NAV1: variants seen among roughly 807,000 people sequenced by gnomAD.
NAV1 encodes neuron navigator 1, also known as pore membrane and/or filament interacting like protein 3.
A neutral mutation model predicts 175.2 loss-of-function variants in NAV1; 18 were observed. The observed-to-expected ratio is 0.10, with a 90% CI of 0.07 to 0.15. The LOEUF is 0.15. Ranked by LOEUF, NAV1 falls within the 10% of genes least tolerant of loss-of-function variation. The pLI is 1.00. For missense variants in NAV1, 1,731 were observed against 2,436.6 expected (o/e 0.71, Z 6.10); for synonymous variants, 897 against 978.7 (o/e 0.92, Z 1.56).
intron 1 of NAV1, among the ~76,000 whole-genome samples, chr1:201,664,290 T>C (rs908481593): frequency 6.6e-6 from 1 of 152,096 alleles, no homozygotes; most frequent in Non-Finnish European, 1.5e-5. Flanking sequence ...TGCAGTGAGC[T>C]GAGATCGCGT....
At chr1:201,805,351 C>T (rs892175074) in intron 17 of NAV1, among the ~76,000 whole-genome samples, 8 of 152,160 alleles carry the variant, frequency 5.3e-5, no homozygotes, top group African/African-American at 1.9e-4. Context: ...ACAGTGATTA[C>T]TATAGGCAGG....
At chr1:201,723,521 A>T (rs951541653) in intron 3 of NAV1, 1 of 152,216 alleles carries the variant, frequency 6.6e-6, no homozygotes, top group Non-Finnish European at 1.5e-5. Flanking sequence ...ATCTAACGCC[A>T]TGCAGCTTTT....
chr1:201,680,278 G>A (rs1388634479), intron 1 of NAV1, among the ~76,000 whole-genome samples: 1 of 152,194 alleles, frequency 6.6e-6, no homozygotes, highest in Non-Finnish European at 1.5e-5. Flanking sequence ...GGGAGGCCGA[G>A]GTGGGCGGAT....
chr1:201,718,007 A>G lies in NAV1; in HGVS notation c.861-383A>G, dbSNP rs1672209500. On this transcript the variant is annotated intron_variant, in intron 2 of 29. Transcript: ENST00000367296. The surrounding 1 kb of genome is among the most constrained non-coding windows in gnomAD (Gnocchi z 4.8). ...GTACATATGTGATCCTTACAACTCT[A>G]TAAGGTAGATGTTATGCCATTATCC... 6.6e-6 allele frequency among the ~76,000 whole-genome samples: 1 copy of G among 152,194 alleles called. No individual in the cohort carries two copies. The highest frequency in any genetic ancestry group is 6.5e-5 in the Admixed American group (1 of 15,276).
intron 15 of NAV1, among the ~76,000 whole-genome samples, chr1:201,799,989 A>T (rs1023307302): frequency 1.2e-4 from 18 of 150,122 alleles, no homozygotes; most frequent in African/African-American, 2.4e-4. Context: ...TTTATTTTTT[A>T]TTTTTATTTA....
intron 2 of NAV1, among the ~76,000 whole-genome samples, chr1:201,599,097 C>A (rs1236943984): frequency 3.3e-5 from 5 of 152,208 alleles, no homozygotes; most frequent in African/African-American, 1.2e-4. Context: ...AGTCACCCAC[C>A]CTGACAGCCT....
chr1:201,632,495 A>T (rs1349552003), intron 2 of NAV1, among the ~76,000 whole-genome samples: 1 of 152,166 alleles, frequency 6.6e-6, no homozygotes, highest in Non-Finnish European at 1.5e-5. Flanking sequence ...TGTATAGACC[A>T]CCATCAGATC....
At chr1:201,786,500 C>T (rs1676757365) in exon 9 of NAV1, 3 of 1,614,040 alleles carry the variant, frequency 1.9e-6, no homozygotes, top group Non-Finnish European at 8.5e-7. Context: ...CTGCCTGAAT[C>T]CGATGACCAG....
intron 1 of NAV1, among the ~76,000 whole-genome samples, chr1:201,580,008 G>A (rs1424910168): frequency 6.6e-6 from 1 of 152,200 alleles, no homozygotes; most frequent in African/African-American, 2.4e-5. Flanking sequence ...GAGAAACTGG[G>A]GGGAAGGGTG....
chr1:201,743,283 A>C (rs1673550740), intron 3 of NAV1, among the ~76,000 whole-genome samples: 1 of 152,220 alleles, frequency 6.6e-6, no homozygotes, highest in Non-Finnish European at 1.5e-5. Flanking sequence ...AGTTGAGAGT[A>C]ATTGGAGGAC....
chr1:201,753,691 C>A (rs556240027), intron 3 of NAV1, among the ~76,000 whole-genome samples: 1 of 152,318 alleles, frequency 6.6e-6, no homozygotes, highest in African/African-American at 2.4e-5. Flanking sequence ...CGATTTTACA[C>A]ACAAACAATT....
chr1:201,649,365 C>G, exon 1 of NAV1: 1 of 1,607,240 alleles, frequency 6.2e-7, no homozygotes, highest in Non-Finnish European at 8.5e-7. Flanking sequence ...CAAGGTGGAC[C>G]CCGAGCTGGT....
chr1:201,807,370 C>T lies in NAV1; in HGVS notation c.3649-583C>T, dbSNP rs868079923. ...CGTGTTCTCCACAGAATCATATTGT[C>T]AGTTTCTGGTTGACAGATGACTAGA... On this transcript the variant is annotated intron_variant, in intron 17 of 29. Coordinates refer to ENST00000367296, the Ensembl canonical transcript of NAV1. This position sits in a 1 kb window ranked among gnomAD's most constrained non-coding sequence, Gnocchi z 5.4. Among the ~76,000 whole-genome samples the T allele has an allele frequency of 7.9e-5, 12 of 152,204 alleles. No individual in the cohort carries two copies. The highest frequency in any genetic ancestry group is 1.6e-4 in the Non-Finnish European group (11 of 68,036).
Position 201,810,139 on chromosome 1 carries a change from G to C in NAV1, c.4561+34G>C. The C allele has an allele frequency of 1.2e-6, 2 of 1,608,642 alleles. No individual in the cohort carries two copies. Among genetic ancestry groups the C allele is most frequent in the Non-Finnish European group, 1.7e-6 (2 of 1,176,454 alleles). On this transcript the variant is annotated intron_variant, in intron 23 of 29. Coordinates refer to ENST00000367296, the Ensembl canonical transcript of NAV1. This position sits in a 1 kb window ranked among gnomAD's most constrained non-coding sequence, Gnocchi z 6.0. ...TTGTCTCTTGGGGTGAGGTGGTGTG[G>C]CATGAAGGCAGGGACAGGATCATCA...
chr1:201,682,454 C>T (rs1166465751), intron 1 of NAV1, among the ~76,000 whole-genome samples: 1 of 152,190 alleles, frequency 6.6e-6, no homozygotes, highest in Non-Finnish European at 1.5e-5. Flanking sequence ...CAGTCCCCCA[C>T]TCTCCCTGGT....
chr1:201,654,135 G>C (rs549680552), intron 1 of NAV1, among the ~76,000 whole-genome samples: 22 of 152,250 alleles, frequency 1.4e-4, no homozygotes, highest in Non-Finnish European at 3.1e-4. Flanking sequence ...CTGCCCTGGG[G>C]AGAAGGTACA....
At chr1:201,727,356 A>C (rs1672651937) in intron 3 of NAV1, among the ~76,000 whole-genome samples, 1 of 152,210 alleles carries the variant, frequency 6.6e-6, no homozygotes, top group Non-Finnish European at 1.5e-5. Flanking sequence ...TTTGCCAAGA[A>C]AGATGGATTT....
intron 1 of NAV1, among the ~76,000 whole-genome samples, chr1:201,560,518 C>T (rs899093551): frequency 1.3e-5 from 2 of 152,194 alleles, no homozygotes; most frequent in Admixed American, 1.3e-4. Flanking sequence ...CCCAGTGACC[C>T]TGCATCCGGG....
At position 201,718,966 on chromosome 1, in the gene NAV1, A is replaced by C. The variant is rs908149963; in HGVS notation, c.1226+211A>C. ...TGGGTGTGGTGTAGGCAGGGCCTAC[A>C]TCCAAGGAGCTGATTGGTCAATGAA... On this transcript the variant is annotated intron_variant, in intron 3 of 29. Coordinates refer to ENST00000367296, the Ensembl canonical transcript of NAV1. This position sits in a 1 kb window ranked among gnomAD's most constrained non-coding sequence, Gnocchi z 4.8. Among the ~76,000 whole-genome samples, 15 of 151,996 alleles carry C rather than the reference A, an allele frequency of 9.9e-5. No homozygotes were observed. Among genetic ancestry groups the C allele is most frequent in the African/African-American group, 3.6e-4 (15 of 41,388 alleles).
Sources: allele counts gnomAD v4.1 joint callset (sites outside exome capture counted in the v4.1 genomes callset), GRCh38; gene constraint gnomAD v4.1.1; non-coding constraint Gnocchi (gnomAD v3.1); transcripts MANE v1.5; gene names NCBI Gene and HGNC (gene_info 2026-07-23, HGNC 2026-07-21).